Variants in PRKCE observed in about 807,000 individuals in gnomAD.
PRKCE encodes protein kinase C epsilon.
A neutral mutation model predicts 85.4 loss-of-function variants in PRKCE; 16 were observed. That is an observed-to-expected ratio of 0.19 (90% CI 0.13 to 0.28). PRKCE has a LOEUF of 0.28. Among genes scored for constraint, PRKCE ranks in the 10% least tolerant of loss-of-function variants. PRKCE has a pLI of 1.00. For synonymous variants in PRKCE, 388 were observed against 371.5 expected (o/e 1.04, Z -0.51); for missense variants, 573 against 975.2 (o/e 0.59, Z 5.49).
chr2:45,942,496 T>C (rs1356491652), intron 2 of PRKCE, among the ~76,000 whole-genome samples: 1 of 152,204 alleles, frequency 6.6e-6, no homozygotes, highest in African/African-American at 2.4e-5. Flanking sequence ...TGACATGTCA[T>C]ATATGAGGAA....
chr2:46,187,939 T>A lies in PRKCE; in HGVS notation c.*3058T>A, dbSNP rs75059347. On this transcript the variant is annotated 3_prime_UTR_variant, in exon 15 of 15. Transcript: ENST00000306156. ...GCCAAATGTACTGTATTCAAAAGGA[T>A]GTGAATGTGTATTGTTTCAGAACCT... is the stretch of plus-strand genomic sequence containing the variant. The A allele has an allele frequency of 1.3e-5, 2 of 152,644 alleles. No individual in the cohort carries two copies. Among genetic ancestry groups the A allele is most frequent in the African/African-American group, 4.8e-5 (2 of 41,456 alleles). The allele number at this position is 152,644 out of a possible 1,614,324, so 9.5% of individuals were successfully genotyped here. A position where few individuals can be genotyped will look rare whatever the true frequency, so the allele number is the denominator to read the frequency against.
At chr2:45,720,789 A>G (rs548988668) in intron 1 of PRKCE, among the ~76,000 whole-genome samples, 1 of 152,244 alleles carries the variant, frequency 6.6e-6, no homozygotes, top group Admixed American at 6.5e-5. Flanking sequence ...GGGGCTCAAG[A>G]GCGTTACTAC....
intron 10 of PRKCE, among the ~76,000 whole-genome samples, chr2:46,079,570 T>C (rs897174453): frequency 1.3e-5 from 2 of 152,230 alleles, no homozygotes; most frequent in Non-Finnish European, 2.9e-5. Context: ...TTTCCTTATA[T>C]GGTACATTGG....
rs757499236 is a variant in PRKCE, at chr2:46,186,239, T to A, written c.*1358T>A. On this transcript the variant is annotated 3_prime_UTR_variant, in exon 15 of 15. Transcript: ENST00000306156. ...ATATGTTTCCCAGAGGTCATTTGATTACCTAATTTACTGAACTGATTTAGC... is the reference window on the plus strand; with the variant it reads ...ATATGTTTCCCAGAGGTCATTTGATAACCTAATTTACTGAACTGATTTAGC... 10 of 152,656 alleles carry A rather than the reference T, an allele frequency of 6.6e-5. No homozygotes were observed. Among genetic ancestry groups the A allele is most frequent in the African/African-American group, 9.6e-5 (4 of 41,454 alleles). 9.5% of individuals were successfully genotyped at this position (152,656 alleles called of 1,614,324 possible). A position where few individuals can be genotyped will look rare whatever the true frequency, so the allele number is the denominator to read the frequency against.
chr2:45,818,555 C>T (rs184686892), intron 1 of PRKCE, among the ~76,000 whole-genome samples: 3 of 152,330 alleles, frequency 2.0e-5, no homozygotes, highest in Admixed American at 1.3e-4. Flanking sequence ...GTTCAACTTA[C>T]ACTTTGAGAT....
At chr2:45,763,451 A>G (rs1165664577) in intron 1 of PRKCE, among the ~76,000 whole-genome samples, 1 of 152,186 alleles carries the variant, frequency 6.6e-6, no homozygotes, top group African/African-American at 2.4e-5. Flanking sequence ...CATCCTCACC[A>G]TCTGGACCTA....
At chr2:46,121,743 C>T (rs1673335780) in intron 11 of PRKCE, among the ~76,000 whole-genome samples, 1 of 152,130 alleles carries the variant, frequency 6.6e-6, no homozygotes, top group Non-Finnish European at 1.5e-5. Context: ...GGTGTGCCAG[C>T]CCTAAATGCA....
At chr2:45,851,761 C>T (rs997123895) in intron 2 of PRKCE, 1 of 152,208 alleles carries the variant, frequency 6.6e-6, no homozygotes, top group African/African-American at 2.4e-5. Context: ...TCACTGAATC[C>T]ACAGACCACG....
chr2:45,887,479 A>G (rs2105852995), intron 2 of PRKCE, among the ~76,000 whole-genome samples: 1 of 152,266 alleles, frequency 6.6e-6, no homozygotes, highest in Middle Eastern at 3.4e-3. Flanking sequence ...AGTTCTGAAG[A>G]CAAAGGTCTC....
At chr2:45,711,964 G>A (rs1194838144) in intron 1 of PRKCE, among the ~76,000 whole-genome samples, 1 of 151,644 alleles carries the variant, frequency 6.6e-6, no homozygotes, top group Non-Finnish European at 1.5e-5. Context: ...CTATAAAGGA[G>A]GCAGGACAAA....
rs1008307289 is a variant in PRKCE, at chr2:45,786,191, T to C, written c.349-56809T>C. ...TTGCAGTCTGCCAGTGACTTATTTATCCCCCGTGCTGCTTCTTGCTCTCCG... is the reference window on the plus strand; with the variant it reads ...TTGCAGTCTGCCAGTGACTTATTTACCCCCCGTGCTGCTTCTTGCTCTCCG... On this transcript the variant is annotated intron_variant, in intron 1 of 14. Coordinates refer to ENST00000306156, the MANE Select transcript of PRKCE (RefSeq NM_005400.3). The surrounding 1 kb of genome is among the most constrained non-coding windows in gnomAD (Gnocchi z 5.3). Among the ~76,000 whole-genome samples the C allele has an allele frequency of 2.6e-5, 4 of 152,180 alleles. No homozygotes were observed. Among genetic ancestry groups the C allele is most frequent in the African/African-American group, 9.7e-5 (4 of 41,442 alleles).
chr2:45,723,739 G>A (rs1167457841), intron 1 of PRKCE, among the ~76,000 whole-genome samples: 1 of 151,990 alleles, frequency 6.6e-6, no homozygotes, highest in African/African-American at 2.4e-5. Flanking sequence ...TGAATAGCTG[G>A]GATTATGGGC....
Position 46,068,993 on chromosome 2 carries a change from T to C in PRKCE, c.1438-17215T>C, listed in dbSNP as rs926937999. 6.6e-5 allele frequency among the ~76,000 whole-genome samples: 10 copies of C among 152,166 alleles called. No homozygotes were observed. Among genetic ancestry groups the C allele is most frequent in the African/African-American group, 2.4e-4 (10 of 41,442 alleles). ...ACTTAGACCTGCAGAATCAGAATATTTGGGTGTGGAGTCCAGGAATTATGC... is the reference window on the plus strand; with the variant it reads ...ACTTAGACCTGCAGAATCAGAATATCTGGGTGTGGAGTCCAGGAATTATGC... On this transcript the variant is annotated intron_variant, in intron 10 of 14. Transcript: ENST00000306156. This position sits in a 1 kb window ranked among gnomAD's most constrained non-coding sequence, Gnocchi z 4.3.
At chr2:45,829,135 A>T (rs1385242973) in intron 1 of PRKCE, among the ~76,000 whole-genome samples, 3 of 152,192 alleles carry the variant, frequency 2.0e-5, no homozygotes, top group African/African-American at 7.2e-5. Context: ...ACTCTTAAAA[A>T]TTCTGTAATG....
At chr2:45,857,408 A>G (rs1037564804) in intron 2 of PRKCE, among the ~76,000 whole-genome samples, 1 of 152,362 alleles carries the variant, frequency 6.6e-6, no homozygotes, top group African/African-American at 2.4e-5. Flanking sequence ...TCACGTGATC[A>G]TCTGGGCAGC....
chr2:46,069,294 G>C (rs1198994809), intron 10 of PRKCE, among the ~76,000 whole-genome samples: 1 of 152,180 alleles, frequency 6.6e-6, no homozygotes, highest in Non-Finnish European at 1.5e-5. Flanking sequence ...AACTATTGAA[G>C]TTGAAATTAC....
At chr2:46,136,871 C>G (rs550567662) in intron 11 of PRKCE, among the ~76,000 whole-genome samples, 5 of 152,354 alleles carry the variant, frequency 3.3e-5, no homozygotes, top group African/African-American at 1.2e-4. Context: ...CATCTCTGTT[C>G]CACATCATTT....
At chr2:45,869,457 C>T (rs899642445) in intron 2 of PRKCE, among the ~76,000 whole-genome samples, 7 of 152,160 alleles carry the variant, frequency 4.6e-5, no homozygotes, top group African/African-American at 1.7e-4. Flanking sequence ...AACACAAAAT[C>T]TACCATTTAT....
At chr2:46,029,111 A>G (rs1707333720) in intron 10 of PRKCE, among the ~76,000 whole-genome samples, 1 of 152,116 alleles carries the variant, frequency 6.6e-6, no homozygotes, top group Non-Finnish European at 1.5e-5. Context: ...AACTTAGCTA[A>G]TGTTCTTATG....
Sources: allele counts gnomAD v4.1 joint callset (sites outside exome capture counted in the v4.1 genomes callset), GRCh38; gene constraint gnomAD v4.1.1; non-coding constraint Gnocchi (gnomAD v3.1); transcripts MANE v1.5; gene names NCBI Gene and HGNC (gene_info 2026-07-23, HGNC 2026-07-21).